The following RPS6KA5 variants were observed in gnomAD, a reference collection of about 807,000 sequenced individuals.
RPS6KA5 encodes the protein ribosomal protein S6 kinase alpha-5.
RPS6KA5 carries 27 observed loss-of-function variants against 85.5 expected under a neutral mutation model. The observed-to-expected ratio is 0.32, with a 90% CI of 0.23 to 0.44. The LOEUF (loss-of-function observed/expected upper bound fraction) is 0.44. RPS6KA5 is among the 20% of genes least tolerant of loss of function. The pLI, the probability that RPS6KA5 is intolerant of heterozygous loss-of-function variation, is 1.00. For missense variants in RPS6KA5, 811 were observed against 980.9 expected (o/e 0.83, Z 2.31); for synonymous variants, 334 against 348.2 (o/e 0.96, Z 0.46).
intron 16 of RPS6KA5, 30 bp downstream of exon 16, chr14:90,873,602 G>T (rs576822473): frequency 1.3e-6 from 2 of 1,556,646 alleles, no homozygotes. Context: ...TACTCAAACC[G>T]CCCAACATGT....
intron 3 of RPS6KA5, among the ~76,000 whole-genome samples, chr14:90,976,671 A>G (rs2039584737): frequency 6.6e-6 from 1 of 152,204 alleles, no homozygotes; most frequent in Admixed American, 6.5e-5. Flanking sequence ...AGATACACAC[A>G]GGAGGCAGAA....
At chr14:90,880,142 T>A (rs1250115875) in intron 14 of RPS6KA5, among the ~76,000 whole-genome samples, 1 of 152,192 alleles carries the variant, frequency 6.6e-6, no homozygotes, top group East Asian at 1.9e-4. Context: ...TTTAACAAAA[T>A]GTACCATGTT....
chr14:90,986,313 C>G (rs2040051557), intron 2 of RPS6KA5, among the ~76,000 whole-genome samples: 2 of 152,098 alleles, frequency 1.3e-5, no homozygotes, highest in African/African-American at 4.8e-5. Flanking sequence ...ACTGAAGAAT[C>G]ATATTAATCA....
rs2032644199 is a variant in RPS6KA5, at chr14:90,863,220, T to C, written c.*8854A>G. The C allele has an allele frequency of 7.0e-6, 1 of 143,798 alleles. No individual in the cohort carries two copies. The highest frequency in any genetic ancestry group is 7.3e-5 in the Admixed American group (1 of 13,746). The allele number at this position is 143,798 out of a possible 1,614,324, so 8.9% of individuals were successfully genotyped here. On this transcript the variant is annotated 3_prime_UTR_variant, in exon 17 of 17. Coordinates refer to ENST00000614987, the MANE Select transcript of RPS6KA5 (RefSeq NM_004755.4). The stretch of plus-strand genomic sequence containing the variant: ...CGGGAGACTGAGGCAGAAGAATCAC[T>C]TGAACCTGGGAGGTGGAGGTTGCAG...
intron 4 of RPS6KA5, among the ~76,000 whole-genome samples, chr14:90,944,622 G>A (rs1270895003): frequency 1.3e-5 from 2 of 152,180 alleles, no homozygotes; most frequent in Admixed American, 1.3e-4. Flanking sequence ...GGGCGTGGTG[G>A]CACATGCCTG....
intron 7 of RPS6KA5, among the ~76,000 whole-genome samples, chr14:90,915,875 A>G (rs907553708): frequency 1.3e-5 from 2 of 151,946 alleles, no homozygotes; most frequent in African/African-American, 4.8e-5. Flanking sequence ...CACGTAAGAA[A>G]AGCACATGTA....
intron 4 of RPS6KA5, among the ~76,000 whole-genome samples, 198 bp from the exon 5 acceptor site, chr14:90,943,383 C>T (rs1376174353): frequency 6.6e-6 from 1 of 151,968 alleles, no homozygotes; most frequent in African/African-American, 2.4e-5. Flanking sequence ...TCTCCAACCA[C>T]GTCTTTGTTC....
intron 2 of RPS6KA5, among the ~76,000 whole-genome samples, chr14:90,984,305 C>T (rs2039967650): frequency 6.6e-6 from 1 of 152,220 alleles, no homozygotes; most frequent in African/African-American, 2.4e-5. Flanking sequence ...ATATTTGAGA[C>T]CAAATGAATG....
intron 2 of RPS6KA5, among the ~76,000 whole-genome samples, chr14:90,988,469 C>T (rs1005564803): frequency 6.6e-6 from 1 of 152,178 alleles, no homozygotes; most frequent in Admixed American, 6.5e-5. Flanking sequence ...GGAATGTTAA[C>T]CTATACTACA....
intron 16 of RPS6KA5, among the ~76,000 whole-genome samples, 198 bp downstream of exon 16, chr14:90,873,434 G>A (rs959765444): frequency 3.3e-5 from 5 of 152,156 alleles, no homozygotes; most frequent in Non-Finnish European, 5.9e-5. Flanking sequence ...GGTTAGCAGT[G>A]ACTCTGGTCC....
At chr14:90,913,154 A>C (rs1442066446) in intron 7 of RPS6KA5, among the ~76,000 whole-genome samples, 5 of 150,602 alleles carry the variant, frequency 3.3e-5, no homozygotes, top group Admixed American at 6.6e-5. Flanking sequence ...CAAGTGATCC[A>C]CCCTCCTTAG....
At chr14:90,884,945 G>A (rs2034088952) in intron 14 of RPS6KA5, among the ~76,000 whole-genome samples, 1 of 152,088 alleles carries the variant, frequency 6.6e-6, no homozygotes, top group South Asian at 2.1e-4. Context: ...TAACAGGTAT[G>A]TTTGTGGCTA....
intron 7 of RPS6KA5, among the ~76,000 whole-genome samples, chr14:90,918,562 T>C (rs1239498105): frequency 6.6e-6 from 1 of 152,244 alleles, no homozygotes; most frequent in African/African-American, 2.4e-5. Context: ...GATTGCACTT[T>C]TTGTGTCATA....
intron 2 of RPS6KA5, among the ~76,000 whole-genome samples, chr14:90,991,109 G>C (rs978879726): frequency 2.0e-5 from 3 of 152,092 alleles, no homozygotes; most frequent in Non-Finnish European, 2.9e-5. Context: ...CTGAAAGCAA[G>C]GCAAGAATTT....
chr14:90,996,086 A>G (rs1595432934), intron 2 of RPS6KA5, among the ~76,000 whole-genome samples: 1 of 152,140 alleles, frequency 6.6e-6, no homozygotes, highest in Non-Finnish European at 1.5e-5. Context: ...ATCATGGCTC[A>G]CTGTAGCCTC....
At chr14:90,974,623 A>G (rs2039478331) in intron 3 of RPS6KA5, among the ~76,000 whole-genome samples, 1 of 152,192 alleles carries the variant, frequency 6.6e-6, no homozygotes, top group Non-Finnish European at 1.5e-5. Flanking sequence ...TGATACTACC[A>G]TGCTATGAAA....
At chr14:91,011,642 C>CA (rs1466043393) in intron 1 of RPS6KA5, among the ~76,000 whole-genome samples, 1 of 152,106 alleles carries the variant, frequency 6.6e-6, no homozygotes, top group Non-Finnish European at 1.5e-5. Context: ...CTTATTAGAC[C>CA]ACTTGACCAA....
chr14:90,936,282 A>T (rs960077671), intron 5 of RPS6KA5, among the ~76,000 whole-genome samples: 27 of 152,218 alleles, frequency 1.8e-4, no homozygotes, highest in Admixed American at 1.4e-3. Flanking sequence ...AAATAATTAT[A>T]TGGGCTGGGC....
intron 1 of RPS6KA5, among the ~76,000 whole-genome samples, chr14:91,007,825 C>A (rs1348590256): frequency 2.6e-5 from 4 of 151,434 alleles, no homozygotes; most frequent in Non-Finnish European, 5.9e-5. Context: ...ATTTAAATAA[C>A]TTTGTTGTTG....
Sources: allele counts gnomAD v4.1 joint callset (sites outside exome capture counted in the v4.1 genomes callset), GRCh38; gene constraint gnomAD v4.1.1; transcripts MANE v1.5; gene names NCBI Gene and HGNC (gene_info 2026-07-23, HGNC 2026-07-21).